The following CCSER1 variants were observed in gnomAD, a reference collection of about 807,000 sequenced individuals.
CCSER1 encodes the protein coiled-coil serine rich protein 1.
CCSER1 carries 41 observed loss-of-function variants against 82.0 expected under a neutral mutation model. The observed-to-expected ratio is 0.50, with a 90% CI of 0.39 to 0.65. The LOEUF is 0.65. CCSER1 is among the 30% of genes least tolerant of loss of function. The pLI is 0.00. For missense variants in CCSER1, 1,119 were observed against 1,064.2 expected, an observed-to-expected ratio of 1.05 and a Z score of -0.72; for synonymous variants, 414 against 383.9, an observed-to-expected ratio of 1.08 and a Z score of -0.92.
At chr4:91,038,317 G>A (rs890433464) in intron 9 of CCSER1, among the ~76,000 whole-genome samples, 1 of 151,484 alleles carries the variant, frequency 6.6e-6, no homozygotes, top group Non-Finnish European at 1.5e-5. Flanking sequence ...ATAAATGAAA[G>A]ATGACACAAT....
At chr4:90,199,901 T>C (rs1234330733) in intron 1 of CCSER1, among the ~76,000 whole-genome samples, 1 of 152,288 alleles carries the variant, frequency 6.6e-6, no homozygotes, top group East Asian at 1.9e-4. Flanking sequence ...CTAGATTCGC[T>C]AAAGAAGTTT....
At chr4:90,474,209 G>A (rs1764769314) in intron 5 of CCSER1, among the ~76,000 whole-genome samples, 1 of 152,060 alleles carries the variant, frequency 6.6e-6, no homozygotes, top group Non-Finnish European at 1.5e-5. Flanking sequence ...TATAAGGGCT[G>A]TAGTAAGAAG....
chr4:91,373,423 A>T (rs1415900886), intron 10 of CCSER1, among the ~76,000 whole-genome samples: 1 of 150,898 alleles, frequency 6.6e-6, no homozygotes, highest in Non-Finnish European at 1.5e-5. Context: ...AATATTTAAA[A>T]CTCTTTCATT....
rs199544512 is a variant in CCSER1 at position 91,172,839 on chromosome 4, A to AT, written c.2217+86846dup. On this transcript the variant is annotated intron_variant, in intron 10 of 10. Coordinates refer to ENST00000509176, the MANE Select transcript of CCSER1 (RefSeq NM_001145065.2). ...AAATAAACTGTGTTAATGTAAAAAA[A>AT]TACAAATATTGCTAATCTAAACTCA... 9.9e-3 allele frequency among the ~76,000 whole-genome samples: 1,505 copies of AT among 151,916 alleles called. 12 individuals are homozygous for AT. The highest frequency in any genetic ancestry group is 0.025 in the African/African-American group (1,014 of 41,358).
intron 9 of CCSER1, among the ~76,000 whole-genome samples, chr4:91,018,697 G>A (rs993473207): frequency 6.6e-6 from 1 of 151,864 alleles, no homozygotes; most frequent in Non-Finnish European, 1.5e-5. Context: ...CAATACCAAT[G>A]TTTCAGACAC....
chr4:91,157,194 G>A (rs1050970099), intron 10 of CCSER1, among the ~76,000 whole-genome samples: 2 of 151,902 alleles, frequency 1.3e-5, no homozygotes, highest in African/African-American at 4.8e-5. Context: ...TTGTGTTGAT[G>A]TCTTTCAGCA....
intron 9 of CCSER1, among the ~76,000 whole-genome samples, chr4:91,003,831 C>T (rs1310776066): frequency 6.6e-6 from 1 of 152,200 alleles, no homozygotes; most frequent in East Asian, 1.9e-4. Context: ...CTGCCCTCCC[C>T]AAGGGCCTCT....
At chr4:91,181,558 C>T (rs1390284074) in intron 10 of CCSER1, among the ~76,000 whole-genome samples, 1 of 152,166 alleles carries the variant, frequency 6.6e-6, no homozygotes, top group Non-Finnish European at 1.5e-5. Flanking sequence ...ATAATAGGAA[C>T]TTTTGCCATA....
intron 10 of CCSER1, among the ~76,000 whole-genome samples, chr4:91,561,909 A>G (rs1423458281): frequency 6.6e-6 from 1 of 151,422 alleles, no homozygotes; most frequent in Non-Finnish European, 1.5e-5. Context: ...ACTATACATT[A>G]AGTAAAATTC....
intron 5 of CCSER1, among the ~76,000 whole-genome samples, chr4:90,468,876 A>C (rs1341944657): frequency 1.3e-5 from 2 of 152,246 alleles, no homozygotes; most frequent in South Asian, 4.1e-4. Flanking sequence ...TTGATCTTCT[A>C]TTATATAAAT....
At chr4:91,048,395 A>G (rs974203848) in intron 9 of CCSER1, among the ~76,000 whole-genome samples, 1 of 151,932 alleles carries the variant, frequency 6.6e-6, no homozygotes, top group East Asian at 1.9e-4. Flanking sequence ...TCAATTTGCT[A>G]TAATTTTTAA....
At chr4:91,351,456 G>A (rs1319156031) in intron 10 of CCSER1, among the ~76,000 whole-genome samples, 1 of 151,864 alleles carries the variant, frequency 6.6e-6, no homozygotes, top group Non-Finnish European at 1.5e-5. Flanking sequence ...CAGATTTCTT[G>A]TTTTGTTTAA....
chr4:91,117,977 C>A (rs1329657773), intron 10 of CCSER1, among the ~76,000 whole-genome samples: 1 of 151,972 alleles, frequency 6.6e-6, no homozygotes, highest in Non-Finnish European at 1.5e-5. Flanking sequence ...AAAATATAGG[C>A]CCAAAATCTA....
intron 1 of CCSER1, among the ~76,000 whole-genome samples, chr4:90,276,925 T>C (rs1178023273): frequency 6.6e-6 from 1 of 152,194 alleles, no homozygotes; most frequent in Non-Finnish European, 1.5e-5. Context: ...TGTATAGGAA[T>C]GCTAGTGTTT....
At chr4:90,910,362 G>C (rs9994801) in intron 8 of CCSER1, among the ~76,000 whole-genome samples, 2 of 152,102 alleles carry the variant, frequency 1.3e-5, no homozygotes, top group East Asian at 3.9e-4. Context: ...AGAATATGAC[G>C]CACAGTTATC....
chr4:91,286,533 A>G (rs1743289453), intron 10 of CCSER1, among the ~76,000 whole-genome samples: 1 of 151,816 alleles, frequency 6.6e-6, no homozygotes, highest in Non-Finnish European at 1.5e-5. Context: ...GTATTGTTAC[A>G]TGAAACTCTA....
At chr4:91,539,963 T>TG (rs1761501934) in intron 10 of CCSER1, among the ~76,000 whole-genome samples, 1 of 152,112 alleles carries the variant, frequency 6.6e-6, no homozygotes, top group Non-Finnish European at 1.5e-5. Flanking sequence ...AGAAAATGTC[T>TG]GGGATTGCTT....
At chr4:91,146,609 A>T (rs1178101893) in intron 10 of CCSER1, among the ~76,000 whole-genome samples, 1 of 148,038 alleles carries the variant, frequency 6.8e-6, no homozygotes, top group Admixed American at 6.7e-5. Flanking sequence ...TGTTGTTTGT[A>T]TAGGGCTTTT....
intron 9 of CCSER1, among the ~76,000 whole-genome samples, chr4:90,927,432 T>G (rs780657355): frequency 6.6e-6 from 1 of 151,996 alleles, no homozygotes; most frequent in Non-Finnish European, 1.5e-5. Context: ...TATTAATTAC[T>G]GTTAGTTTAA....
Sources: gnomAD v4.1 joint callset for allele counts (sites outside exome capture counted in the v4.1 genomes callset) on GRCh38, gnomAD v4.1.1 for gene constraint, MANE v1.5 for transcripts, NCBI Gene and HGNC (gene_info 2026-07-23, HGNC 2026-07-21) for gene names.